Variants in PCGF3 observed in about 807,000 individuals in gnomAD.
PCGF3 encodes the protein polycomb group RING finger protein 3.
Under a neutral mutation model 33.1 loss-of-function variants are expected in PCGF3, and 7 were observed. That is an observed-to-expected ratio of 0.21 (90% confidence interval 0.12 to 0.40). PCGF3 has a LOEUF of 0.40. Among genes scored for constraint, PCGF3 ranks in the 10% least tolerant of loss-of-function variants. The pLI, the probability that PCGF3 is intolerant of heterozygous loss-of-function variation, is 1.00. For missense variants in PCGF3, 211 were observed against 313.3 expected (o/e 0.67, Z 2.46); for synonymous variants, 153 against 121.3 (o/e 1.26, Z -1.72).
chr4:726,928 G>T (rs1743354293), intron 1 of PCGF3, among the ~76,000 whole-genome samples: 1 of 152,200 alleles, frequency 6.6e-6, no homozygotes, highest in South Asian at 2.1e-4. Flanking sequence ...GCCAGTCCCT[G>T]CCTTGCCTGG....
intron 8 of PCGF3, among the ~76,000 whole-genome samples, chr4:753,486 C>T (rs1307384638): frequency 6.6e-6 from 1 of 152,098 alleles, no homozygotes; most frequent in Non-Finnish European, 1.5e-5. Context: ...AACCCCATCT[C>T]TACTAAAAAT....
At chr4:751,136 T>C (rs1744493078) in intron 8 of PCGF3, among the ~76,000 whole-genome samples, 1 of 152,132 alleles carries the variant, frequency 6.6e-6, no homozygotes, top group Admixed American at 6.5e-5. Flanking sequence ...TGCATTCTCT[T>C]TCTGTTCTTC....
chr4:722,764 ATCCACGCCG>A (rs1253046957), intron 1 of PCGF3, among the ~76,000 whole-genome samples: 3,005 of 45,884 alleles, frequency 0.065, 504 homozygotes, highest in African/African-American at 0.099. Flanking sequence ...CGACATCGCC[ATCCACGCCG>A]GGTCCACACT....
chr4:719,344 A>G (rs923520860), intron 1 of PCGF3, among the ~76,000 whole-genome samples: 1 of 152,244 alleles, frequency 6.6e-6, no homozygotes, highest in Non-Finnish European at 1.5e-5. Context: ...GGTCGTCTCC[A>G]GCGGGAAGGA....
chr4:711,648 G>A (rs562227726), intron 1 of PCGF3, among the ~76,000 whole-genome samples: 1 of 149,720 alleles, frequency 6.7e-6, no homozygotes, highest in African/African-American at 2.5e-5. Flanking sequence ...TAGTAGAGAC[G>A]GGGTTTCACC....
rs375264882 is a variant in PCGF3, at chr4:749,100, G to A, written c.462+4412G>A. ...TTTACCTTTTCTTTTGATCCTTGAC[G>A]TGCTAAAGATTTATTTGTTGCTTTC... On this transcript the variant is annotated intron_variant, in intron 8 of 10. Coordinates refer to ENST00000362003, the Ensembl canonical transcript of PCGF3. Among the ~76,000 whole-genome samples the A allele has an allele frequency of 5.6e-4, 86 of 152,290 alleles. 2 individuals are homozygous for A. Among genetic ancestry groups the A allele is most frequent in the South Asian group, 2.5e-3 (12 of 4,830 alleles).
intron 1 of PCGF3, among the ~76,000 whole-genome samples, chr4:729,999 C>T (rs999006995): frequency 6.6e-6 from 1 of 152,140 alleles, no homozygotes; most frequent in Non-Finnish European, 1.5e-5. Context: ...AGGGTCCCTA[C>T]GTGGTCCCCT....
intron 8 of PCGF3, among the ~76,000 whole-genome samples, chr4:749,441 G>A (rs1436182489): frequency 6.8e-6 from 1 of 147,760 alleles, no homozygotes; most frequent in Non-Finnish European, 1.5e-5. Context: ...TAGAATTACA[G>A]GCATGAGCCA....
intron 9 of PCGF3, chr4:762,673 C>T (rs1209890839): frequency 2.0e-5 from 3 of 152,278 alleles, no homozygotes; most frequent in African/African-American, 7.2e-5. Flanking sequence ...ATTTGTTCTT[C>T]ATAAATCACC....
At chr4:764,283 C>A (rs1290891122) in intron 9 of PCGF3, among the ~76,000 whole-genome samples, 1 of 152,198 alleles carries the variant, frequency 6.6e-6, no homozygotes. Flanking sequence ...TTAAATTGTT[C>A]TTTAAAAAGT....
rs1313158533 is a variant in PCGF3 at position 751,485 on chromosome 4, T to G, written c.462+6797T>G. Among the ~76,000 whole-genome samples, 3 of 152,178 alleles carry G rather than the reference T, an allele frequency of 2.0e-5. No homozygotes were observed. The South Asian group carries it at 6.2e-4, about 32-fold the overall frequency. ...CTTCTGAGCCCAGTGCGGTGGCCCCTGAGCTCCTGCCGGTCACGGGCTGTG... is the reference window on the plus strand; with the variant it reads ...CTTCTGAGCCCAGTGCGGTGGCCCCGGAGCTCCTGCCGGTCACGGGCTGTG... On this transcript the variant is annotated intron_variant, in intron 8 of 10. Coordinates refer to ENST00000362003, the Ensembl canonical transcript of PCGF3.
At chr4:765,399 C>T (rs1344832138) in intron 10 of PCGF3, among the ~76,000 whole-genome samples, 2 of 151,226 alleles carry the variant, frequency 1.3e-5, no homozygotes, top group Non-Finnish European at 2.9e-5. Context: ...TGCCACTGCA[C>T]TCCAACCTAG....
rs567022450 is a variant in PCGF3, at chr4:733,952, C to G, written c.109+163C>G. 255 of 1,552,644 alleles carry G rather than the reference C, an allele frequency of 1.6e-4. 1 individual carries two copies. The South Asian group carries it at 2.9e-3, about 18-fold the overall frequency. ...GATCTTGAAGATAAGTCAGAAAAGTCATTTCACGCTAAAGGTCCTGTGGGT... is the reference window on the plus strand; with the variant it reads ...GATCTTGAAGATAAGTCAGAAAAGTGATTTCACGCTAAAGGTCCTGTGGGT... On this transcript the variant is annotated intron_variant, in intron 4 of 10. Coordinates refer to ENST00000362003, the Ensembl canonical transcript of PCGF3.
intron 10 of PCGF3, 67 bp from the exon 11 acceptor site, chr4:765,965 C>A (rs145498877): frequency 1.4e-6 from 2 of 1,437,918 alleles, no homozygotes; most frequent in Admixed American, 1.7e-5. Context: ...GCACCCTTCC[C>A]GATGAAGTAG....
intron 8 of PCGF3, among the ~76,000 whole-genome samples, chr4:755,621 C>T (rs1259321256): frequency 6.6e-6 from 1 of 152,168 alleles, no homozygotes; most frequent in African/African-American, 2.4e-5. Context: ...AATACATTCT[C>T]TTACATTGTC....
rs57690550 is a variant in PCGF3 at position 727,233 on chromosome 4, C to CTTTTTTTTTTTTTT, written c.-189-3385_-189-3372dup. Among the ~76,000 whole-genome samples the CTTTTTTTTTTTTTT allele has an allele frequency of 2.4e-3, 149 of 61,900 alleles. 24 individuals are homozygous for CTTTTTTTTTTTTTT. Among genetic ancestry groups the CTTTTTTTTTTTTTT allele is most frequent in the South Asian group, 3.5e-3 (4 of 1,146 alleles). 40.6% of individuals were successfully genotyped at this position (61,900 alleles called of 152,430 possible). A position where few individuals can be genotyped will look rare whatever the true frequency, so the allele number is the denominator to read the frequency against. ...AGAGGATGTGTGTGTTAGCGAGCGTCTTTTTTTTTTTTTTTTTTTTTTTTT... is the reference window on the plus strand; with the variant it reads ...AGAGGATGTGTGTGTTAGCGAGCGTCTTTTTTTTTTTTTTTTTTTTTTTTTTTTTTTTTTTTTTT... On this transcript the variant is annotated intron_variant, in intron 1 of 10. Transcript: ENST00000362003.
chr4:716,155 G>GCA (rs1742825633), intron 1 of PCGF3, among the ~76,000 whole-genome samples: 2 of 101,882 alleles, frequency 2.0e-5, no homozygotes, highest in South Asian at 4.2e-4. Flanking sequence ...TGTAGACACT[G>GCA]AGTGTGAGAA....
chr4:765,754 C>T (rs1334312919), intron 10 of PCGF3, among the ~76,000 whole-genome samples: 3 of 152,064 alleles, frequency 2.0e-5, no homozygotes, highest in Non-Finnish European at 1.5e-5. Context: ...AGGGGAGTGG[C>T]AGCCAGGGCC....
chr4:739,325 C>G (rs940820430), intron 6 of PCGF3, among the ~76,000 whole-genome samples: 12 of 152,170 alleles, frequency 7.9e-5, no homozygotes, highest in Non-Finnish European at 2.9e-5. Context: ...CTCAGCCTGC[C>G]AGGTAGCTGG....
Sources: gnomAD v4.1 joint callset for allele counts (sites outside exome capture counted in the v4.1 genomes callset) on GRCh38, gnomAD v4.1.1 for gene constraint, MANE v1.5 for transcripts, NCBI Gene and HGNC (gene_info 2026-07-23, HGNC 2026-07-21) for gene names.